DGKB: variants seen among roughly 807,000 people sequenced by gnomAD.
DGKB encodes 90 kDa diacylglycerol kinase.
A neutral mutation model predicts 114.3 loss-of-function variants in DGKB; 67 were observed. The ratio of observed to expected loss-of-function variants is 0.59; its 90% CI spans 0.48 to 0.72. The LOEUF is 0.72. Ranked by LOEUF, DGKB falls within the 30% of genes least tolerant of loss-of-function variation. DGKB has a pLI of 0.00. For missense variants in DGKB, 907 were observed against 975.2 expected, an observed-to-expected ratio of 0.93 and a Z score of 0.93; for synonymous variants, 398 against 323.1, an observed-to-expected ratio of 1.23 and a Z score of -2.49.
chr7:14,304,087 A>ACACACACACACACACTCTCT (rs140836395), intron 23 of DGKB, among the ~76,000 whole-genome samples: 4,949 of 109,798 alleles, frequency 0.045, 162 homozygotes, highest in Middle Eastern at 0.075. Flanking sequence ...ACACACACAC[A>ACACACACACACACACTCTCT]CTCTCTCTCT....
At chr7:14,658,507 A>T (rs1436307913) in intron 13 of DGKB, among the ~76,000 whole-genome samples, 1 of 151,812 alleles carries the variant, frequency 6.6e-6, no homozygotes, top group Non-Finnish European at 1.5e-5. Context: ...TTTAATGTTC[A>T]ATAGTAGAGT....
intron 21 of DGKB, among the ~76,000 whole-genome samples, chr7:14,442,232 A>C (rs1271612294): frequency 6.6e-6 from 1 of 151,770 alleles, no homozygotes; most frequent in Non-Finnish European, 1.5e-5. Context: ...TAAGGTTTTC[A>C]TTTCTTTTGT....
Position 14,315,758 on chromosome 7 carries a change from G to A in DGKB, c.2122+22757C>T, listed in dbSNP as rs796589359. On this transcript the variant is annotated intron_variant, in intron 23 of 25. Coordinates refer to ENST00000402815, the MANE Select transcript of DGKB (RefSeq NM_001350709.2). ...AAGTCAACAAGGATACCCAGGAATT[G>A]AACTCAGCTCTGCACCAAGCGGACC... Among the ~76,000 whole-genome samples the A allele has an allele frequency of 1.7e-3, 258 of 151,350 alleles. 3 individuals carry two copies. In the South Asian group the frequency reaches 0.031, roughly 18 times the overall value.
intron 15 of DGKB, among the ~76,000 whole-genome samples, chr7:14,614,621 T>C (rs1806188942): frequency 6.6e-6 from 1 of 152,070 alleles, no homozygotes; most frequent in South Asian, 2.1e-4. Flanking sequence ...AATATTCTAC[T>C]AACATATTTT....
chr7:14,861,902 T>C (rs750908055), intron 1 of DGKB, among the ~76,000 whole-genome samples: 8 of 152,016 alleles, frequency 5.3e-5, no homozygotes, highest in Non-Finnish European at 8.8e-5. Flanking sequence ...TTTGTTCTTA[T>C]GGAAATGCTG....
intron 6 of DGKB, among the ~76,000 whole-genome samples, chr7:14,714,118 G>C (rs548551045): frequency 6.7e-6 from 1 of 150,102 alleles, no homozygotes. Flanking sequence ...CACTGATGTA[G>C]GTGCAAGGGT....
intron 21 of DGKB, among the ~76,000 whole-genome samples, chr7:14,431,974 G>GTT (rs993683519): frequency 6.6e-6 from 1 of 151,850 alleles, no homozygotes; most frequent in African/African-American, 2.4e-5. Context: ...CTTGACATTT[G>GTT]TTAGCTGTGA....
chr7:14,500,321 C>A (rs1018585707), intron 20 of DGKB, among the ~76,000 whole-genome samples: 2 of 151,638 alleles, frequency 1.3e-5, no homozygotes, highest in Non-Finnish European at 2.9e-5. Flanking sequence ...TTTTATTGAT[C>A]AGCCTTTTAA....
chr7:14,517,362 C>T (rs185018956), intron 20 of DGKB, among the ~76,000 whole-genome samples: 1 of 151,896 alleles, frequency 6.6e-6, no homozygotes, highest in East Asian at 1.9e-4. Flanking sequence ...CCATGGAAGA[C>T]AGCCTAGGGA....
chr7:14,241,919 T>TAC (rs10629429), intron 23 of DGKB, among the ~76,000 whole-genome samples: 86,116 of 150,780 alleles, frequency 0.57, 25,350 homozygotes, highest in African/African-American at 0.72. Context: ...TCAAGATATA[T>TAC]ACACACACAC....
intron 1 of DGKB, among the ~76,000 whole-genome samples, chr7:14,930,463 T>G (rs1161475961): frequency 6.6e-6 from 1 of 152,200 alleles, no homozygotes; most frequent in African/African-American, 2.4e-5. Flanking sequence ...ATTTAGTTTT[T>G]TATAGCTATT....
intron 23 of DGKB, among the ~76,000 whole-genome samples, chr7:14,218,434 A>C (rs569064513): frequency 6.6e-6 from 1 of 152,264 alleles, no homozygotes; most frequent in East Asian, 1.9e-4. Context: ...TTCTAATGAA[A>C]AACTAGTGAA....
chr7:14,320,762 C>G (rs1343101975), intron 23 of DGKB, among the ~76,000 whole-genome samples: 1 of 152,008 alleles, frequency 6.6e-6, no homozygotes, highest in Non-Finnish European at 1.5e-5. Flanking sequence ...GTAGTTAGAG[C>G]CATACTCACA....
intron 20 of DGKB, among the ~76,000 whole-genome samples, chr7:14,512,699 C>A (rs1388355704): frequency 1.3e-5 from 2 of 152,058 alleles, no homozygotes; most frequent in African/African-American, 2.4e-5. Flanking sequence ...AATTTTAACA[C>A]CTTTTTTTCT....
At chr7:14,819,723 G>A (rs778895861) in intron 2 of DGKB, among the ~76,000 whole-genome samples, 1 of 152,136 alleles carries the variant, frequency 6.6e-6, no homozygotes, top group Non-Finnish European at 1.5e-5. Flanking sequence ...GAACAAAGTT[G>A]TATGGTTTGT....
chr7:14,919,349 G>C (rs532009985), intron 1 of DGKB, among the ~76,000 whole-genome samples: 1 of 152,152 alleles, frequency 6.6e-6, no homozygotes, highest in Non-Finnish European at 1.5e-5. Flanking sequence ...TTTGAGAAAA[G>C]AGTGAAGGAA....
chr7:14,654,510 AC>A (rs1224904969), intron 13 of DGKB, among the ~76,000 whole-genome samples: 1 of 152,032 alleles, frequency 6.6e-6, no homozygotes, highest in Non-Finnish European at 1.5e-5. Context: ...AATTGCAATT[AC>A]ATTTTTCTTC....
At chr7:14,944,563 G>A (rs11981373) in intron 1 of DGKB, among the ~76,000 whole-genome samples, 24,792 of 151,526 alleles carry the variant, frequency 0.16, 2,214 homozygotes, top group African/African-American at 0.22. Flanking sequence ...TACGTAAACC[G>A]CTATTACTTA....
intron 5 of DGKB, among the ~76,000 whole-genome samples, chr7:14,720,535 G>C (rs1374058086): frequency 2.7e-5 from 4 of 150,552 alleles, no homozygotes; most frequent in Non-Finnish European, 5.9e-5. Flanking sequence ...AGTAGAGATG[G>C]TGTTTCACCA....
Sources: allele counts gnomAD v4.1 joint callset (sites outside exome capture counted in the v4.1 genomes callset), GRCh38; gene constraint gnomAD v4.1.1; transcripts MANE v1.5; gene names NCBI Gene and HGNC (gene_info 2026-07-23, HGNC 2026-07-21).